PUM3: variants seen among roughly 807,000 people sequenced by gnomAD.
The protein encoded by PUM3 is pumilio RNA binding family member 3.
PUM3 carries 91 observed loss-of-function variants against 84.0 expected under a neutral mutation model. The observed-to-expected ratio is 1.08, with a 90% confidence interval of 0.91 to 1.29. PUM3 has a LOEUF of 1.29. Ranked by LOEUF, PUM3 falls within the 50% of genes most tolerant of loss-of-function variation. PUM3 has a pLI of 0.00. For synonymous variants in PUM3, 321 were observed against 266.7 expected, an observed-to-expected ratio of 1.20 and a Z score of -1.98; for missense variants, 1,067 against 767.5, an observed-to-expected ratio of 1.39 and a Z score of -4.61.
At chr9:2,807,116 G>A (rs1821274577) in intron 17 of PUM3, among the ~76,000 whole-genome samples, 1 of 152,050 alleles carries the variant, frequency 6.6e-6, no homozygotes, top group African/African-American at 2.4e-5. Flanking sequence ...GCTGAGGCAG[G>A]AGAATGGCAT....
intron 13 of PUM3, among the ~76,000 whole-genome samples, chr9:2,813,253 T>C (rs1321800351): frequency 2.6e-5 from 4 of 152,252 alleles, no homozygotes; most frequent in Non-Finnish European, 4.4e-5. Context: ...GTAAATCTGC[T>C]GTTTTCAAAG....
intron 10 of PUM3, 43 bp downstream of exon 10, chr9:2,827,030 C>T (rs1405961988): frequency 1.3e-6 from 2 of 1,484,742 alleles, no homozygotes; most frequent in South Asian, 2.4e-5. Flanking sequence ...CTACACCGCT[C>T]CTCCTCCATG....
At position 2,823,687 on chromosome 9, in the gene PUM3, G is replaced by C. The variant is rs139752978; in HGVS notation, c.1188+94C>G. The stretch of plus-strand genomic sequence containing the variant: ...ATAATAAAACAATAATTTTCTGCTT[G>C]GTAATTTTCTGAATTTTTCCAAATT... On this transcript the variant is annotated intron_variant, in intron 12 of 17. Transcript: ENST00000397885. The C allele has an allele frequency of 9.3e-5, 50 of 535,028 alleles. 1 individual carries two copies. Among genetic ancestry groups the C allele is most frequent in the Middle Eastern group, 9.5e-4 (2 of 2,108 alleles). 33.1% of individuals were successfully genotyped at this position (535,028 alleles called of 1,614,324 possible).
At chr9:2,809,259 C>T (rs527652635) in intron 16 of PUM3, among the ~76,000 whole-genome samples, 1 of 152,230 alleles carries the variant, frequency 6.6e-6, no homozygotes, top group East Asian at 1.9e-4. Context: ...GTGCTGAATA[C>T]GACAAGACAA....
intron 11 of PUM3, 56 bp downstream of exon 11, chr9:2,824,661 G>T: frequency 3.5e-6 from 4 of 1,149,778 alleles, no homozygotes; most frequent in Non-Finnish European, 4.7e-6. Flanking sequence ...CAAGCCTGCA[G>T]ATAAAGCATG....
In PUM3 at chr9:2,837,335, G is replaced by C. The variant is rs746082213; in HGVS notation, c.149C>G (p.Ser50Cys). ...TGTGATACTTTTCTCAAAGTTCCTA[G>C]ATGTGACTTTAGGTCCACCTTCTTT... ...VAKEGGPKVT[S>C]RNFEKSITKL... The change falls in exon 3 of 18, where the codon TCT (serine) becomes TGT (cysteine). Residue 50 changes from serine (S) to cysteine (C), a missense_variant. Ser to Cys is a moderately radical substitution (Grantham distance 112). Transcript: ENST00000397885. The C allele has an allele frequency of 8.7e-6, 14 of 1,613,980 alleles. No individual in the cohort carries two copies. The highest frequency in any genetic ancestry group is 1.2e-5 in the Non-Finnish European group (14 of 1,179,896).
At chr9:2,829,672 G>A (rs1815918692) in intron 8 of PUM3, 102 bp downstream of exon 8, 6 of 978,660 alleles carry the variant, frequency 6.1e-6, no homozygotes, top group Non-Finnish European at 9.0e-6. Context: ...TAAAGAACCA[G>A]CCACAGTAAA....
intron 1 of PUM3, 131 bp from the exon 2 acceptor site, chr9:2,838,648 G>A (rs910189644): frequency 3.5e-6 from 2 of 578,456 alleles, no homozygotes; most frequent in African/African-American, 1.9e-5. Context: ...GATATAGAAT[G>A]GACAAGTACT....
At chr9:2,808,078 A>T (rs1352224657) in intron 16 of PUM3, 174 bp from the exon 17 acceptor site, 2 of 553,378 alleles carry the variant, frequency 3.6e-6, no homozygotes, top group East Asian at 6.0e-5. Context: ...TATCTAATGC[A>T]TTTCTAAAAG....
At chr9:2,829,601 G>C (rs1481104884) in intron 8 of PUM3, among the ~76,000 whole-genome samples, 173 bp downstream of exon 8, 2 of 152,120 alleles carry the variant, frequency 1.3e-5, no homozygotes, top group Admixed American at 6.5e-5. Context: ...AGAGAAACTT[G>C]CTCACTATAC....
intron 11 of PUM3, 95 bp downstream of exon 11, chr9:2,824,622 G>T: frequency 1.4e-6 from 1 of 721,874 alleles, no homozygotes. Context: ...AAAGACCAAA[G>T]GGGGTTAAAA....
Position 2,827,161 on chromosome 9 carries a change from GAA to G in PUM3, c.957-12_957-11del. ...CTTAATCACAGCTTCCCTGAAAACA[GAA>G]AAAAAAAGCAAAAAGACACAACAGA... is the stretch of plus-strand genomic sequence containing the variant. On this transcript the variant is annotated splice_polypyrimidine_tract_variant and intron_variant, in intron 9 of 17. Transcript: ENST00000397885. 1 of 1,567,404 alleles carries G rather than the reference GAA, an allele frequency of 6.4e-7. No homozygotes were observed. Among genetic ancestry groups the G allele is most frequent in the Non-Finnish European group, 8.7e-7 (1 of 1,155,828 alleles).
At chr9:2,812,819 G>A (rs991084085) in intron 13 of PUM3, among the ~76,000 whole-genome samples, 2 of 152,120 alleles carry the variant, frequency 1.3e-5, no homozygotes, top group African/African-American at 4.8e-5. Flanking sequence ...ATTCATTATG[G>A]CCAGTATTTC....
chr9:2,837,030 G>T, intron 3 of PUM3, 150 bp downstream of exon 3: 1 of 673,082 alleles, frequency 1.5e-6, no homozygotes, highest in African/African-American at 1.8e-5. Context: ...TTGTGAGCAT[G>T]AAAGATGCTT....
intron 13 of PUM3, 128 bp from the exon 14 acceptor site, chr9:2,812,490 T>C (rs961778416): frequency 1.5e-6 from 1 of 661,078 alleles, no homozygotes; most frequent in South Asian, 2.1e-5. Context: ...TATAAAATTA[T>C]AGTATATGTG....
At chr9:2,816,558 G>A (rs527470284) in intron 13 of PUM3, among the ~76,000 whole-genome samples, 9 of 152,104 alleles carry the variant, frequency 5.9e-5, no homozygotes, top group East Asian at 5.8e-4. Context: ...AAGATCTATC[G>A]CCATGGAGCT....
At position 2,824,797 on chromosome 9, in the gene PUM3, G is replaced by A. The variant is rs1323567793; in HGVS notation, c.1054C>T (p.Arg352Cys). The A allele has an allele frequency of 1.1e-5, 17 of 1,571,198 alleles. No individual in the cohort carries two copies. Among genetic ancestry groups the A allele is most frequent in the South Asian group, 4.7e-5 (4 of 85,744 alleles). Residue 352 changes from arginine (R) to cysteine (C), a missense_variant, in exon 11 of 18, where the codon CGC (arginine) becomes TGC (cysteine). Coordinates refer to ENST00000397885, the MANE Select transcript of PUM3 (RefSeq NM_014878.5). ...KLRSEMIEAI[R>C]EAVVYLAHTH... ...TGTGCCAGGTAGACCACCGCTTCGC[G>A]GATGGCTTCAATCATTTCCTAGGGA...
chr9:2,823,923 T>C (rs977925894), intron 11 of PUM3, 89 bp from the exon 12 acceptor site: 3 of 650,930 alleles, frequency 4.6e-6, no homozygotes, highest in Non-Finnish European at 7.7e-6. Flanking sequence ...ATTTATTAAG[T>C]TTTCATTTGA....
In PUM3 at chr9:2,837,125, T is replaced by A. The variant is rs575069917; in HGVS notation, c.304+55A>T. 45 of 1,455,048 alleles carry A rather than the reference T, an allele frequency of 3.1e-5. No individual in the cohort carries two copies. The African/African-American group carries it at 6.0e-4, about 19-fold the overall frequency. The allele number at this position is 1,455,048 out of a possible 1,614,324, so 90.1% of individuals were successfully genotyped here. A position where few individuals can be genotyped will look rare whatever the true frequency, so the allele number is the denominator to read the frequency against. On this transcript the variant is annotated intron_variant, in intron 3 of 17. Coordinates refer to ENST00000397885, the MANE Select transcript of PUM3 (RefSeq NM_014878.5). ...TGAGGTTTCTAACGCACCTCCAGAG[T>A]CCCTGTGCACAATCGTTCAGGCACT...
Sources: allele counts gnomAD v4.1 joint callset (sites outside exome capture counted in the v4.1 genomes callset), GRCh38; gene constraint gnomAD v4.1.1; transcripts MANE v1.5; gene names NCBI Gene and HGNC (gene_info 2026-07-23, HGNC 2026-07-21).